Variants in ITPRID1 observed in about 807,000 individuals in gnomAD.
ITPRID1 encodes protein ITPRID1.
In ITPRID1, 96 loss-of-function variants were observed where a neutral mutation model predicts 95.4. The observed-to-expected ratio is 1.01, with a 90% confidence interval of 0.85 to 1.19. The LOEUF is 1.19. Ranked by LOEUF, ITPRID1 falls within the 50% of genes most tolerant of loss-of-function variation. ITPRID1 has a pLI of 0.00. For synonymous variants in ITPRID1, 510 were observed against 453.6 expected (o/e 1.12, Z -1.58); for missense variants, 1,339 against 1,252.9 (o/e 1.07, Z -1.04).
At chr7:31,567,708 A>G (rs1043109955) in intron 5 of ITPRID1, among the ~76,000 whole-genome samples, 2 of 151,868 alleles carry the variant, frequency 1.3e-5, no homozygotes, top group African/African-American at 4.8e-5. Context: ...CAGCCTCCTG[A>G]GTAGCTGTCA....
chr7:31,580,464 T>G (rs1409250952), intron 9 of ITPRID1, among the ~76,000 whole-genome samples: 1 of 152,248 alleles, frequency 6.6e-6, no homozygotes, highest in South Asian at 2.1e-4. Context: ...AAGTTCCTAG[T>G]AAGCCATCGA....
Position 31,654,174 on chromosome 7 carries a change from T to A in ITPRID1, c.*1345T>A, listed in dbSNP as rs188049596. ...TAAAACTGTACTGCATTCATCAGGG[T>A]GCCTGTGGAAGGCCTTGCTAAAGGG... is the stretch of plus-strand genomic sequence containing the variant. On this transcript the variant is annotated 3_prime_UTR_variant, in exon 15 of 15. Coordinates refer to ENST00000615280, the MANE Select transcript of ITPRID1 (RefSeq NM_001257967.3). Among the ~76,000 whole-genome samples, 44 of 151,974 alleles carry A rather than the reference T, an allele frequency of 2.9e-4. No homozygotes were observed. Among genetic ancestry groups the A allele is most frequent in the Admixed American group, 2.4e-3 (37 of 15,262 alleles).
At chr7:31,576,475 A>C (rs565503589) in intron 8 of ITPRID1, among the ~76,000 whole-genome samples, 39 of 152,228 alleles carry the variant, frequency 2.6e-4, no homozygotes, top group Non-Finnish European at 4.7e-4. Context: ...AAGCAATCAT[A>C]AAAGTTGAAT....
At chr7:31,516,981 C>A (rs1463215054) in intron 1 of ITPRID1, among the ~76,000 whole-genome samples, 1 of 152,206 alleles carries the variant, frequency 6.6e-6, no homozygotes, top group Non-Finnish European at 1.5e-5. Context: ...ACTTCGTGGT[C>A]TGGCTGACTT....
At chr7:31,550,383 G>A (rs992431524) in intron 2 of ITPRID1, among the ~76,000 whole-genome samples, 13 of 152,194 alleles carry the variant, frequency 8.5e-5, no homozygotes, top group African/African-American at 3.1e-4. Flanking sequence ...TCCTCTTGGG[G>A]ACAAGTCAAA....
intron 10 of ITPRID1, among the ~76,000 whole-genome samples, chr7:31,632,844 A>C (rs1789136684): frequency 6.6e-6 from 1 of 152,110 alleles, no homozygotes; most frequent in Non-Finnish European, 1.5e-5. Context: ...AGCTGATTTA[A>C]AGGGTCTGGG....
At chr7:31,605,298 T>C (rs2128161794) in intron 10 of ITPRID1, among the ~76,000 whole-genome samples, 1 of 152,292 alleles carries the variant, frequency 6.6e-6, no homozygotes, top group African/African-American at 2.4e-5. Flanking sequence ...TTGTCTTACT[T>C]TTATTCCCTA....
intron 1 of ITPRID1, among the ~76,000 whole-genome samples, chr7:31,535,566 CT>C (rs1316830483): frequency 6.6e-6 from 1 of 151,960 alleles, no homozygotes; most frequent in African/African-American, 2.4e-5. Context: ...CAAATTTTTA[CT>C]TCCTGTTAAG....
intron 10 of ITPRID1, among the ~76,000 whole-genome samples, chr7:31,617,182 A>G (rs1787326798): frequency 6.6e-6 from 1 of 152,208 alleles, no homozygotes; most frequent in Non-Finnish European, 1.5e-5. Flanking sequence ...AAAAGCCTGG[A>G]GAAGGGAAGA....
intron 10 of ITPRID1, among the ~76,000 whole-genome samples, chr7:31,625,043 C>G (rs111263061): frequency 0.12 from 18,226 of 152,178 alleles, 1,237 homozygotes; most frequent in Middle Eastern, 0.17. Flanking sequence ...CACTGGCCAT[C>G]AGAGAAATGC....
intron 10 of ITPRID1, among the ~76,000 whole-genome samples, chr7:31,588,070 T>A (rs1404523872): frequency 6.6e-6 from 1 of 152,182 alleles, no homozygotes; most frequent in Non-Finnish European, 1.5e-5. Context: ...TCCTTCCAGA[T>A]AAAATACACA....
intron 1 of ITPRID1, among the ~76,000 whole-genome samples, chr7:31,538,912 C>T (rs531574918): frequency 6.6e-6 from 1 of 152,290 alleles, no homozygotes; most frequent in African/African-American, 2.4e-5. Context: ...GTAAGTTTTG[C>T]ACCCAATTAC....
intron 9 of ITPRID1, among the ~76,000 whole-genome samples, chr7:31,580,799 C>T (rs114255310): frequency 0.024 from 3,658 of 152,188 alleles, 139 homozygotes; most frequent in African/African-American, 0.082. Flanking sequence ...AAACAGAACA[C>T]TCTGTCAAAC....
intron 9 of ITPRID1, among the ~76,000 whole-genome samples, chr7:31,579,755 CTATGTA>C (rs1785327650): frequency 6.6e-6 from 1 of 151,868 alleles, no homozygotes; most frequent in East Asian, 1.9e-4. Context: ...TTCCTAATAT[CTATGTA>C]TATGTATATA....
intron 1 of ITPRID1, among the ~76,000 whole-genome samples, chr7:31,534,983 A>G (rs999655987): frequency 6.6e-6 from 1 of 152,138 alleles, no homozygotes; most frequent in African/African-American, 2.4e-5. Flanking sequence ...AGGGTCTAAT[A>G]AAGTTTTCTA....
At chr7:31,599,728 G>A (rs1415887451) in intron 10 of ITPRID1, among the ~76,000 whole-genome samples, 3 of 132,796 alleles carry the variant, frequency 2.3e-5, no homozygotes, top group Admixed American at 7.7e-5. Context: ...TTTTGATGGA[G>A]TCTCTCTCTG....
In ITPRID1 at chr7:31,578,254, T is replaced by C. The variant is rs1264004886; in HGVS notation, c.990T>C (p.His330=). The C allele has an allele frequency of 6.2e-7, 1 of 1,613,908 alleles. No homozygotes were observed. Among genetic ancestry groups the C allele is most frequent in the Non-Finnish European group, 8.5e-7 (1 of 1,179,840 alleles). Residue 330 remains histidine, a synonymous_variant, in exon 9 of 15, where the codon CAT becomes CAC. Coordinates refer to ENST00000615280, the MANE Select transcript of ITPRID1 (RefSeq NM_001257967.3). ...ACDDLLPYPP[H]GLLSKQWPCS... ...ATGATTTGCTACCTTATCCTCCTCATGGTCTTCTGAGCAAGCAGTGGCCTT... is the reference window on the plus strand; with the variant it reads ...ATGATTTGCTACCTTATCCTCCTCACGGTCTTCTGAGCAAGCAGTGGCCTT...
At chr7:31,567,643 G>A (rs1416782105) in intron 5 of ITPRID1, among the ~76,000 whole-genome samples, 2 of 150,242 alleles carry the variant, frequency 1.3e-5, no homozygotes, top group African/African-American at 4.9e-5. Flanking sequence ...GCGCAGTGGC[G>A]CAGTCTCCGC....
chr7:31,546,986 G>A (rs747437074), intron 1 of ITPRID1, among the ~76,000 whole-genome samples: 7 of 152,040 alleles, frequency 4.6e-5, no homozygotes, highest in Non-Finnish European at 7.4e-5. Context: ...TGAGGTAGGA[G>A]AAAATCTTAG....
Sources: gnomAD v4.1 joint callset for allele counts (sites outside exome capture counted in the v4.1 genomes callset) on GRCh38, gnomAD v4.1.1 for gene constraint, MANE v1.5 for transcripts, NCBI Gene and HGNC (gene_info 2026-07-23, HGNC 2026-07-21) for gene names.